LRMDA: variants seen among roughly 807,000 people sequenced by gnomAD.
LRMDA encodes the protein leucine-rich melanocyte differentiation-associated protein.
Under a neutral mutation model 29.8 loss-of-function variants are expected in LRMDA, and 18 were observed. The observed-to-expected ratio is 0.60, with a 90% CI of 0.42 to 0.90. LRMDA has a LOEUF of 0.90. Among genes scored for constraint, LRMDA ranks in the 40% least tolerant of loss-of-function variants. The pLI is 0.00. For missense variants in LRMDA, 273 were observed against 273.9 expected, an observed-to-expected ratio of 1.00 and a Z score of 0.02; for synonymous variants, 125 against 109.4, an observed-to-expected ratio of 1.14 and a Z score of -0.89.
intron 2 of LRMDA, among the ~76,000 whole-genome samples, chr10:75,459,149 T>A (rs186274093): frequency 6.6e-6 from 1 of 152,284 alleles, no homozygotes; most frequent in East Asian, 1.9e-4. Flanking sequence ...GAGTGTTAAC[T>A]AGTCAGATTG....
intron 2 of LRMDA, among the ~76,000 whole-genome samples, chr10:75,891,059 C>T (rs111522031): frequency 0.017 from 2,558 of 151,556 alleles, 34 homozygotes; most frequent in Middle Eastern, 0.031. Flanking sequence ...GAGCCAAGAT[C>T]GCACCACCGC....
At chr10:76,164,120 G>A (rs1001869496) in intron 5 of LRMDA, among the ~76,000 whole-genome samples, 1 of 145,718 alleles carries the variant, frequency 6.9e-6, no homozygotes, top group Non-Finnish European at 1.5e-5. Context: ...TAATTAAAAT[G>A]TTTGATTTTT....
At chr10:75,474,793 T>A (rs1844769232) in intron 2 of LRMDA, among the ~76,000 whole-genome samples, 1 of 152,184 alleles carries the variant, frequency 6.6e-6, no homozygotes, top group African/African-American at 2.4e-5. Context: ...TGTGTGCATG[T>A]GAGTGTGTGA....
At chr10:76,085,952 G>A (rs1849127412) in intron 5 of LRMDA, among the ~76,000 whole-genome samples, 2 of 152,246 alleles carry the variant, frequency 1.3e-5, no homozygotes, top group South Asian at 4.1e-4. Context: ...CAGCAATGGG[G>A]ATCAGTCACC....
chr10:76,358,045 G>T (rs989265039), intron 6 of LRMDA, among the ~76,000 whole-genome samples: 1 of 152,072 alleles, frequency 6.6e-6, no homozygotes, highest in Non-Finnish European at 1.5e-5. Flanking sequence ...ATCAGAGACC[G>T]CCATCCCATA....
chr10:75,913,839 T>C (rs906469734), intron 2 of LRMDA, among the ~76,000 whole-genome samples: 4 of 152,330 alleles, frequency 2.6e-5, no homozygotes, highest in African/African-American at 4.8e-5. Context: ...GGTCCGGCTT[T>C]CTATCTGTCT....
At chr10:76,239,353 C>A (rs979401280) in intron 5 of LRMDA, among the ~76,000 whole-genome samples, 16 of 152,152 alleles carry the variant, frequency 1.1e-4, no homozygotes, top group Non-Finnish European at 2.1e-4. Context: ...ATGTCATTAT[C>A]ACAACTAAAA....
intron 2 of LRMDA, among the ~76,000 whole-genome samples, chr10:76,008,379 A>C (rs1847711526): frequency 1.3e-5 from 2 of 152,158 alleles, no homozygotes; most frequent in African/African-American, 4.8e-5. Context: ...TTAAGCTTTT[A>C]AAGCCGCAGC....
intron 2 of LRMDA, among the ~76,000 whole-genome samples, chr10:75,660,526 G>C (rs1019001809): frequency 6.6e-6 from 1 of 152,140 alleles, no homozygotes; most frequent in Admixed American, 6.5e-5. Flanking sequence ...AAAAGGCTCC[G>C]CAGTGAACCA....
intron 2 of LRMDA, among the ~76,000 whole-genome samples, chr10:75,945,732 T>C (rs1254915436): frequency 6.6e-6 from 1 of 152,316 alleles, no homozygotes; most frequent in Non-Finnish European, 1.5e-5. Flanking sequence ...TGAAATCTCT[T>C]GATTATTTAC....
chr10:75,782,596 C>T (rs1452748162), intron 2 of LRMDA, among the ~76,000 whole-genome samples: 5 of 152,126 alleles, frequency 3.3e-5, no homozygotes, highest in South Asian at 2.1e-4. Context: ...GCTGCAATTC[C>T]GGACAGAGAG....
rs767638478 is a variant in LRMDA at position 76,262,045 on chromosome 10, CAACAA to C, written c.517-62350_517-62346del. Among the ~76,000 whole-genome samples the C allele has an allele frequency of 2.9e-4, 44 of 151,934 alleles. 1 individual carries two copies. The South Asian group carries it at 3.5e-3, about 12-fold the overall frequency. On this transcript the variant is annotated intron_variant, in intron 5 of 6. Coordinates refer to ENST00000611255, the MANE Select transcript of LRMDA (RefSeq NM_001305581.2). ...GTTAGGAATTCAAGGCCACCCTGGG[CAACAA>C]AACAAGACCCCATCTCTAAAAAAAA...
chr10:75,490,787 T>C (rs1241206041), intron 2 of LRMDA, among the ~76,000 whole-genome samples: 2 of 152,164 alleles, frequency 1.3e-5, no homozygotes, highest in African/African-American at 4.8e-5. Flanking sequence ...GAAATTGTGT[T>C]TTGTCTGTTT....
At chr10:75,871,974 A>G (rs568886888) in intron 2 of LRMDA, among the ~76,000 whole-genome samples, 2 of 152,324 alleles carry the variant, frequency 1.3e-5, no homozygotes, top group East Asian at 3.9e-4. Context: ...AATTGAATGT[A>G]TTCATCTTCA....
At chr10:76,021,650 T>C (rs532753795) in intron 2 of LRMDA, among the ~76,000 whole-genome samples, 4 of 152,324 alleles carry the variant, frequency 2.6e-5, no homozygotes, top group Middle Eastern at 3.4e-3. Context: ...CCTCCTACCA[T>C]GAAGAGCTGT....
At chr10:75,525,592 C>CTTTTTTTTTTTTTT (rs11415547) in intron 2 of LRMDA, among the ~76,000 whole-genome samples, 14 of 129,716 alleles carry the variant, frequency 1.1e-4, no homozygotes, top group Non-Finnish European at 1.9e-4. Context: ...TTCTTTCTTT[C>CTTTTTTTTTTTTTT]TTTTTTTTTT....
intron 6 of LRMDA, among the ~76,000 whole-genome samples, chr10:76,429,798 T>G (rs1842172162): frequency 6.6e-6 from 1 of 152,170 alleles, no homozygotes; most frequent in African/African-American, 2.4e-5. Flanking sequence ...GCCACCCAGC[T>G]TCCCTGCTGT....
intron 6 of LRMDA, among the ~76,000 whole-genome samples, chr10:76,401,798 A>G (rs1397188025): frequency 6.6e-6 from 1 of 152,192 alleles, no homozygotes; most frequent in Non-Finnish European, 1.5e-5. Context: ...AGCATTAGTG[A>G]GCTTACAGAC....
chr10:75,559,920 G>T (rs1193716792), intron 2 of LRMDA, among the ~76,000 whole-genome samples: 13 of 127,096 alleles, frequency 1.0e-4, no homozygotes, highest in Non-Finnish European at 1.8e-4. Flanking sequence ...GTACCATGCT[G>T]TTTTGGTTAC....
Sources: gnomAD v4.1 joint callset for allele counts (sites outside exome capture counted in the v4.1 genomes callset) on GRCh38, gnomAD v4.1.1 for gene constraint, MANE v1.5 for transcripts, NCBI Gene and HGNC (gene_info 2026-07-23, HGNC 2026-07-21) for gene names.